SETX: variants seen among roughly 807,000 people sequenced by gnomAD.
SETX encodes senataxin, also known as helicase senataxin.
Under a neutral mutation model 227.2 loss-of-function variants are expected in SETX, and 90 were observed. The ratio of observed to expected loss-of-function variants is 0.40; its 90% confidence interval spans 0.33 to 0.47. SETX has a LOEUF of 0.47. Among genes scored for constraint, SETX ranks in the 20% least tolerant of loss-of-function variants. The pLI, the probability that SETX is intolerant of heterozygous loss-of-function variation, is 0.91. For synonymous variants in SETX, 1,210 were observed against 1,113.2 expected, an observed-to-expected ratio of 1.09 and a Z score of -1.73; for missense variants, 3,052 against 3,181.5, an observed-to-expected ratio of 0.96 and a Z score of 0.98.
chr9:132,268,431 G>A lies in SETX; in HGVS notation c.7287+1184C>T, dbSNP rs895048939. On this transcript the variant is annotated intron_variant, in intron 25 of 25. Coordinates refer to ENST00000224140, the MANE Select transcript of SETX (RefSeq NM_015046.7). ...TGGGAGAACGGCTTAAATCCAGGAG[G>A]CGGAGGCTGCAGTGAGCTGTGATTG... Among the ~76,000 whole-genome samples, 9 of 152,190 alleles carry A rather than the reference G, an allele frequency of 5.9e-5. 1 individual carries two copies. The highest frequency in any genetic ancestry group is 5.9e-4 in the Admixed American group (9 of 15,278).
At chr9:132,282,800 G>C (rs1370192329) in intron 19 of SETX, 1 of 161,486 alleles carries the variant, frequency 6.2e-6, no homozygotes, top group Non-Finnish European at 1.4e-5. Context: ...TGGGTCTCCT[G>C]ATCACTCAAT....
rs373971094 is a variant in SETX at position 132,309,689 on chromosome 9, A to G, written c.5374+2068T>C. Among the ~76,000 whole-genome samples the G allele has an allele frequency of 5.3e-5, 8 of 149,608 alleles. No homozygotes were observed. The East Asian group carries it at 9.8e-4, about 18-fold the overall frequency. Reference sequence around the variant, plus strand: ...GACCCCATCTCTATATTTAAGAAAGAAAAAAAAAAGGGGGAACATAAAAAA... The same window carrying G: ...GACCCCATCTCTATATTTAAGAAAGGAAAAAAAAAGGGGGAACATAAAAAA... On this transcript the variant is annotated intron_variant, in intron 11 of 25. Transcript: ENST00000224140.
chr9:132,333,996 C>T (rs551673431), intron 7 of SETX, among the ~76,000 whole-genome samples: 9 of 151,986 alleles, frequency 5.9e-5, no homozygotes, highest in South Asian at 2.1e-4. Flanking sequence ...AAAGGGAGGC[C>T]ATGGGACAGA....
chr9:132,353,224 C>T (rs1848691177), intron 2 of SETX, among the ~76,000 whole-genome samples: 1 of 152,172 alleles, frequency 6.6e-6, no homozygotes, highest in African/African-American at 2.4e-5. Flanking sequence ...TTCCTCCACA[C>T]TTACCTCCCT....
chr9:132,301,223 G>C (rs1844979091), intron 11 of SETX, among the ~76,000 whole-genome samples: 1 of 150,676 alleles, frequency 6.6e-6, no homozygotes, highest in South Asian at 2.1e-4. Context: ...CTCCCAAATA[G>C]CTGGAGGCGC....
chr9:132,333,416 T>TATACAC (rs779955041), intron 7 of SETX, among the ~76,000 whole-genome samples: 5 of 88,074 alleles, frequency 5.7e-5, no homozygotes, highest in South Asian at 4.0e-4. Context: ...AAAATATATA[T>TATACAC]ACACACACAC....
rs866976972 is a variant in SETX at position 132,334,655 on chromosome 9, T to C, written c.791A>G (p.Asn264Ser). ...GTGAAGTATCGATTGCATAAAATCA[T>C]TTTGTTTGTCTGAGCCCAACAACAG... ...DSLLLGSDKQ[N>S]DFMQSILHTM... The change falls in exon 7 of 26, where the codon AAT (asparagine) becomes AGT (serine). Residue 264 changes from asparagine (N) to serine (S), a missense_variant. Around this residue, in one of 10 missense-constraint regions of SETX, gnomAD observed 239 missense variants for 240.8 expected, o/e 0.99. Transcript: ENST00000224140. 1.2e-6 allele frequency: 2 copies of C among 1,614,092 alleles called. No homozygotes were observed. The highest frequency in any genetic ancestry group is 1.7e-6 in the Non-Finnish European group (2 of 1,179,964).
At chr9:132,295,168 T>A (rs1935515735) in intron 15 of SETX, among the ~76,000 whole-genome samples, 1 of 152,164 alleles carries the variant, frequency 6.6e-6, no homozygotes, top group Admixed American at 6.5e-5. Context: ...AATCATCCGT[T>A]GTAATGCTCA....
intron 23 of SETX, among the ~76,000 whole-genome samples, chr9:132,272,877 T>C (rs1328788399): frequency 6.6e-6 from 1 of 152,222 alleles, no homozygotes; most frequent in Non-Finnish European, 1.5e-5. Context: ...TTACTTAGTG[T>C]TAAGGTGGCA....
Position 132,327,203 on chromosome 9 carries a change from C to T in SETX, c.4395G>A (p.Leu1465=). ...EVIVSTSEDP[L]GGGDPTARHI... ...GACGTGCTGTTGGATCACCTCCACC[C>T]AGAGGGTCTTCTGAAGTGGAGACAA... Residue 1465 remains leucine (L), a synonymous_variant, in exon 10 of 26, where the codon CTG becomes CTA. Coordinates refer to ENST00000224140, the MANE Select transcript of SETX (RefSeq NM_015046.7). 1 of 1,614,206 alleles carries T rather than the reference C, an allele frequency of 6.2e-7. No individual in the cohort carries two copies. The highest frequency in any genetic ancestry group is 8.5e-7 in the Non-Finnish European group (1 of 1,180,040).
Position 132,329,075 on chromosome 9 carries a change from A to G in SETX, c.2523T>C (p.Leu841=). The G allele has an allele frequency of 3.1e-6, 5 of 1,610,372 alleles. No individual in the cohort carries two copies. Among genetic ancestry groups the G allele is most frequent in the Non-Finnish European group, 4.2e-6 (5 of 1,179,432 alleles). Residue 841 remains leucine, a synonymous_variant, in exon 10 of 26, where the codon CTT becomes CTC. Transcript: ENST00000224140. ...CCAGAACACCACTAGGGTCTAAAGA[A>G]AGATTGTGTATGAAACCATCTCCTT... ...VQKGDGFIHN[L]SLDPSGVLDD...
chr9:132,320,179 C>T (rs1846230045), intron 10 of SETX, among the ~76,000 whole-genome samples: 1 of 152,134 alleles, frequency 6.6e-6, no homozygotes, highest in African/African-American at 2.4e-5. Flanking sequence ...AGAGATAATT[C>T]TACGTAATGT....
intron 1 of SETX, among the ~76,000 whole-genome samples, chr9:132,354,082 G>C (rs1423627099): frequency 2.6e-5 from 4 of 152,196 alleles, no homozygotes; most frequent in African/African-American, 9.6e-5. Flanking sequence ...TCCTTGTGGA[G>C]CTCTTTTCCC....
In SETX at chr9:132,281,804, C is replaced by G. The variant is rs573282747; in HGVS notation, c.6547-230G>C. 3.9e-5 allele frequency among the ~76,000 whole-genome samples: 6 copies of G among 152,092 alleles called. No homozygotes were observed. In the South Asian group the frequency reaches 1.2e-3, roughly 32 times the overall value. ...ACGTAATGCCAGCACTTTGGGAGGC[C>G]GAGGTGGGTGGATCACCTGAGGTCC... On this transcript the variant is annotated intron_variant, in intron 19 of 25. Transcript: ENST00000224140.
intron 10 of SETX, among the ~76,000 whole-genome samples, chr9:132,318,416 T>C (rs950271181): frequency 6.6e-6 from 1 of 152,152 alleles, no homozygotes; most frequent in Non-Finnish European, 1.5e-5. Flanking sequence ...TCTGAATTCA[T>C]ACTCCCCAGG....
At chr9:132,286,578 G>A in intron 17 of SETX, 84 bp from the exon 18 acceptor site, 2 of 936,730 alleles carry the variant, frequency 2.1e-6, no homozygotes, top group Non-Finnish European at 1.7e-6. Flanking sequence ...AATTTTAAAA[G>A]AGCCTGTATT....
chr9:132,344,057 G>C (rs11793181), intron 4 of SETX, among the ~76,000 whole-genome samples: 18,474 of 152,186 alleles, frequency 0.12, 1,627 homozygotes, highest in East Asian at 0.42. Context: ...ACACAGCTGA[G>C]TCCTGCAGTT....
At chr9:132,297,413 C>A (rs542443704) in intron 13 of SETX, among the ~76,000 whole-genome samples, 2 of 152,228 alleles carry the variant, frequency 1.3e-5, no homozygotes, top group Admixed American at 1.3e-4. Flanking sequence ...AGTCAATTTT[C>A]TCCTTAGTGA....
chr9:132,319,374 C>T (rs1236465921), intron 10 of SETX, among the ~76,000 whole-genome samples: 1 of 152,158 alleles, frequency 6.6e-6, no homozygotes, highest in Non-Finnish European at 1.5e-5. Context: ...TATTACTATT[C>T]CCCCAGTCTA....
Sources: gnomAD v4.1 joint callset for allele counts (sites outside exome capture counted in the v4.1 genomes callset) on GRCh38, gnomAD v4.1.1 for gene constraint, gnomAD v4.1.1 regional missense constraint, MANE v1.5 for transcripts, NCBI Gene and HGNC (gene_info 2026-07-23, HGNC 2026-07-21) for gene names.